The following ZNF587B variants were observed in gnomAD, a reference collection of about 807,000 sequenced individuals.
ZNF587B encodes zinc finger protein 587B.
In ZNF587B, 6 loss-of-function variants were observed where a neutral mutation model predicts 7.2. The ratio of observed to expected loss-of-function variants is 0.83; its 90% CI spans 0.46 to 1.65. The LOEUF (loss-of-function observed/expected upper bound fraction) is 1.65, where lower values mean the gene tolerates loss of function less well. Among genes scored for constraint, ZNF587B ranks in the 40% most tolerant of loss-of-function variants. ZNF587B has a pLI of 0.01. For missense variants in ZNF587B, 749 were observed against 761.0 expected (o/e 0.98, Z 0.19); for synonymous variants, 274 against 254.3 (o/e 1.08, Z -0.74).
intron 1 of ZNF587B, among the ~76,000 whole-genome samples, chr19:57,831,973 T>G (rs1988422822): frequency 6.6e-6 from 1 of 152,162 alleles, no homozygotes; most frequent in African/African-American, 2.4e-5. Flanking sequence ...CCGAAAGTGC[T>G]GGGATTACAG....
intron 1 of ZNF587B, among the ~76,000 whole-genome samples, chr19:57,833,709 CT>C (rs1191943561): frequency 1.3e-4 from 19 of 149,768 alleles, no homozygotes; most frequent in South Asian, 4.3e-4. Flanking sequence ...GGTACTGCTG[CT>C]AGTTATTCAG....
chr19:57,839,805 G>A (rs1449811753), intron 2 of ZNF587B, among the ~76,000 whole-genome samples: 2 of 152,094 alleles, frequency 1.3e-5, no homozygotes, highest in African/African-American at 2.4e-5. Context: ...CCTGGGCTGG[G>A]GATGGTGGCT....
Position 57,843,791 on chromosome 19 carries a change from G to T in ZNF587B, c.*1215G>T, listed in dbSNP as rs1988973409. ...TAATTTTTGTACTTTTAGTAGAGAT[G>T]GGGTTTCACTATGTTGGTCAAACTG... On this transcript the variant is annotated 3_prime_UTR_variant, in exon 3 of 3. Transcript: ENST00000594901. 1.3e-5 allele frequency among the ~76,000 whole-genome samples: 2 copies of T among 151,756 alleles called. No homozygotes were observed.
At chr19:57,832,109 C>T (rs577058922) in intron 1 of ZNF587B, among the ~76,000 whole-genome samples, 5 of 151,532 alleles carry the variant, frequency 3.3e-5, no homozygotes, top group Non-Finnish European at 7.4e-5. Context: ...TTTTTTGAGA[C>T]AGAGTCTCGC....
chr19:57,841,809 G>A lies in ZNF587B; in HGVS notation c.1135G>A (p.Val379Ile). The A allele has an allele frequency of 6.2e-7, 1 of 1,611,618 alleles. No homozygotes were observed. The highest frequency in any genetic ancestry group is 2.2e-5 in the East Asian group (1 of 44,844). Residue 379 changes from valine (V) to isoleucine (I), a missense_variant, in exon 3 of 3, where the codon GTA (valine) becomes ATA (isoleucine). Coordinates refer to ENST00000594901, the MANE Select transcript of ZNF587B (RefSeq NM_001376223.1). ...LSYHQRIHTE[V>I]RPYKCGECGK... ...TTACCATCAGCGCATTCACACTGAA[G>A]TAAGACCTTACAAGTGTGGAGAATG... is the stretch of plus-strand genomic sequence containing the variant.
chr19:57,832,269 T>C (rs1164777107), intron 1 of ZNF587B, among the ~76,000 whole-genome samples: 2 of 152,110 alleles, frequency 1.3e-5, no homozygotes, highest in African/African-American at 4.8e-5. Context: ...GCATTTGTAG[T>C]AGAGACGGGG....
At chr19:57,838,995 G>T (rs1241879665) in intron 1 of ZNF587B, 28 bp from the exon 2 acceptor site, 18 of 1,608,426 alleles carry the variant, frequency 1.1e-5, no homozygotes, top group Non-Finnish European at 1.4e-5. Context: ...GGGGTGGTTT[G>T]TGGTTTCATC....
At chr19:57,839,420 C>T (rs1461840127) in intron 2 of ZNF587B, among the ~76,000 whole-genome samples, 1 of 152,098 alleles carries the variant, frequency 6.6e-6, no homozygotes, top group Admixed American at 6.5e-5. Context: ...GTGTCCTTGT[C>T]CAGATTTCAG....
chr19:57,844,881 A>G lies in ZNF587B; in HGVS notation c.*2305A>G, dbSNP rs1290541496. The G allele has an allele frequency of 6.6e-6, 1 of 152,240 alleles. No homozygotes were observed. The highest frequency in any genetic ancestry group is 2.4e-5 in the African/African-American group (1 of 41,456). 9.4% of individuals were successfully genotyped at this position (152,240 alleles called of 1,614,324 possible). A position where few individuals can be genotyped will look rare whatever the true frequency, so the allele number is the denominator to read the frequency against. On this transcript the variant is annotated 3_prime_UTR_variant, in exon 3 of 3. Coordinates refer to ENST00000594901, the MANE Select transcript of ZNF587B (RefSeq NM_001376223.1). ...CCAGAATTCTGTAAGGCAACATCAC[A>G]GGTTGTAAGGCTATAGGATGAAATT...
intron 2 of ZNF587B, 113 bp from the exon 3 acceptor site, chr19:57,840,725 T>G: frequency 6.2e-7 from 1 of 1,602,524 alleles, no homozygotes; most frequent in East Asian, 2.2e-5. Flanking sequence ...AACATCCTGT[T>G]CCTCCAAGTA....
chr19:57,842,156 T>G lies in ZNF587B; in HGVS notation c.1482T>G (p.Tyr494Ter). 2 of 1,613,186 alleles carry G rather than the reference T, an allele frequency of 1.2e-6. No homozygotes were observed. Among genetic ancestry groups the G allele is most frequent in the Non-Finnish European group, 1.7e-6 (2 of 1,179,608 alleles). The change falls in exon 3 of 3, where the codon TAT (tyrosine) becomes TAG (stop). Residue 494 changes from tyrosine to a stop codon, truncating the protein, a stop_gained. Coordinates refer to ENST00000594901, the MANE Select transcript of ZNF587B (RefSeq NM_001376223.1). LOFTEE classifies it low-confidence loss of function (END_TRUNC). ...HQRIHSGEKPYACEACQKFFR... is the reference protein window; with the variant it reads ...HQRIHSGEKP ...GAATTCACAGTGGAGAGAAGCCATA[T>G]GCTTGTGAGGCTTGTCAGAAATTTT...
intron 1 of ZNF587B, among the ~76,000 whole-genome samples, chr19:57,830,952 G>A (rs1022158560): frequency 2.6e-5 from 4 of 152,184 alleles, no homozygotes; most frequent in Admixed American, 2.0e-4. Flanking sequence ...CAGAAGTAAA[G>A]TAGGCAAGAA....
chr19:57,840,106 A>C (rs1167533833), intron 2 of ZNF587B, among the ~76,000 whole-genome samples: 1 of 132,460 alleles, frequency 7.5e-6, no homozygotes, highest in African/African-American at 3.0e-5. Flanking sequence ...AAAAAAAAAA[A>C]AAAAAAGCAG....
At chr19:57,835,712 TG>T (rs1344447648) in intron 1 of ZNF587B, among the ~76,000 whole-genome samples, 1 of 141,704 alleles carries the variant, frequency 7.1e-6, no homozygotes, top group Non-Finnish European at 1.5e-5. Flanking sequence ...CTGTATCAGC[TG>T]AGATGAGCAA....
In ZNF587B at chr19:57,841,408, G is replaced by T. The variant is rs747709972; in HGVS notation, c.734G>T (p.Cys245Phe). 6.3e-7 allele frequency: 1 copy of T among 1,585,144 alleles called. No homozygotes were observed. The highest frequency in any genetic ancestry group is 1.8e-5 in the Admixed American group (1 of 54,724). ...CCTCGAGAAGAATGTTATGTGTGCT[G>T]TGAATGTGGGAAATCCTTTAGCAAA... ...LLPREECYVC[C>F]ECGKSFSKYV... The change falls in exon 3 of 3, where the codon TGT (cysteine) becomes TTT (phenylalanine). Residue 245 changes from cysteine (C) to phenylalanine (F), a missense_variant. Coordinates refer to ENST00000594901, the MANE Select transcript of ZNF587B (RefSeq NM_001376223.1).
Position 57,843,304 on chromosome 19 carries a change from C to T in ZNF587B, c.*728C>T, listed in dbSNP as rs568670571. On this transcript the variant is annotated 3_prime_UTR_variant, in exon 3 of 3. Coordinates refer to ENST00000594901, the MANE Select transcript of ZNF587B (RefSeq NM_001376223.1). ...ACTGTGCTCAGCCAATTATGTTTTT[C>T]TGTGTAACATGGGAGGAGATCCTTT... 1.0e-6 allele frequency: 1 copy of T among 985,370 alleles called. No individual in the cohort carries two copies. Among genetic ancestry groups the T allele is most frequent in the African/African-American group, 1.7e-5 (1 of 57,342 alleles). 61.0% of individuals were successfully genotyped at this position (985,370 alleles called of 1,614,324 possible).
intron 1 of ZNF587B, among the ~76,000 whole-genome samples, chr19:57,835,431 A>G (rs201750791): frequency 0.42 from 47,067 of 110,932 alleles, 7,592 homozygotes; most frequent in East Asian, 0.59. Context: ...ATCTCTGCTC[A>G]CTGCAACCTC....
intron 1 of ZNF587B, among the ~76,000 whole-genome samples, chr19:57,838,241 C>T (rs1190774399): frequency 6.7e-6 from 1 of 150,320 alleles, no homozygotes; most frequent in South Asian, 2.1e-4. Flanking sequence ...ACCCAGGAGG[C>T]AGAGGTTGCA....
In ZNF587B at chr19:57,843,690, C is replaced by T; in HGVS notation, c.*1114C>T. 1.8e-6 allele frequency: 1 copy of T among 557,730 alleles called. No individual in the cohort carries two copies. The highest frequency in any genetic ancestry group is 2.3e-6 in the Non-Finnish European group (1 of 442,098). 34.5% of individuals were successfully genotyped at this position (557,730 alleles called of 1,614,324 possible). ...GATCCTGGTTCATTGCAACCTCTGC[C>T]TCCTGAGTTCAAGCAATTCTCCTTT... On this transcript the variant is annotated 3_prime_UTR_variant, in exon 3 of 3. Transcript: ENST00000594901.
Sources: allele counts gnomAD v4.1 joint callset (sites outside exome capture counted in the v4.1 genomes callset), GRCh38; gene constraint gnomAD v4.1.1; transcripts MANE v1.5; gene names NCBI Gene and HGNC (gene_info 2026-07-23, HGNC 2026-07-21).